ROBO1: variants seen among roughly 807,000 people sequenced by gnomAD.
ROBO1 encodes the protein roundabout guidance receptor 1, also known as roundabout homolog 1.
A neutral mutation model predicts 195.9 loss-of-function variants in ROBO1; 149 were observed. The observed-to-expected ratio is 0.76, with a 90% confidence interval of 0.67 to 0.87. ROBO1 has a LOEUF of 0.87. ROBO1 is among the 40% of genes least tolerant of loss of function. The pLI is 0.00. For synonymous variants in ROBO1, 816 were observed against 733.2 expected (o/e 1.11, Z -1.82); for missense variants, 1,933 against 2,068.3 (o/e 0.93, Z 1.27).
At chr3:78,930,605 A>G (rs1390191572) in intron 4 of ROBO1, among the ~76,000 whole-genome samples, 1 of 152,212 alleles carries the variant, frequency 6.6e-6, no homozygotes, top group African/African-American at 2.4e-5. Flanking sequence ...TTGCAGTCAT[A>G]GGCTTGACCT....
At chr3:78,889,171 G>A (rs1386234223) in intron 4 of ROBO1, among the ~76,000 whole-genome samples, 1 of 152,142 alleles carries the variant, frequency 6.6e-6, no homozygotes, top group Non-Finnish European at 1.5e-5. Context: ...ATGTGTTGAT[G>A]CTTTGGTAAA....
At chr3:79,666,630 C>T (rs1946482876) in intron 1 of ROBO1, among the ~76,000 whole-genome samples, 1 of 151,944 alleles carries the variant, frequency 6.6e-6, no homozygotes, top group East Asian at 2.0e-4. Flanking sequence ...GACTCTCATT[C>T]TTTCTTGCTT....
intron 2 of ROBO1, among the ~76,000 whole-genome samples, chr3:79,427,339 T>C (rs533114387): frequency 6.6e-6 from 1 of 152,214 alleles, no homozygotes; most frequent in African/African-American, 2.4e-5. Flanking sequence ...GCTAAAAATG[T>C]ACATTTTAGA....
intron 2 of ROBO1, among the ~76,000 whole-genome samples, chr3:79,502,563 A>G (rs1289681921): frequency 6.6e-6 from 1 of 151,764 alleles, no homozygotes; most frequent in African/African-American, 2.4e-5. Flanking sequence ...CCCCTGCTCC[A>G]CAGCTCCCAG....
At chr3:79,023,931 C>A (rs368785373) in intron 3 of ROBO1, among the ~76,000 whole-genome samples, 10 of 150,306 alleles carry the variant, frequency 6.7e-5, no homozygotes, top group African/African-American at 2.0e-4. Flanking sequence ...AGGCTGGTCT[C>A]GAACTCCTGA....
chr3:79,135,306 G>C (rs2080383389), intron 2 of ROBO1, among the ~76,000 whole-genome samples: 1 of 152,078 alleles, frequency 6.6e-6, no homozygotes, highest in Non-Finnish European at 1.5e-5. Flanking sequence ...TTTGATAATT[G>C]ATAGATCAGA....
At chr3:79,287,230 T>C (rs1335360001) in intron 2 of ROBO1, among the ~76,000 whole-genome samples, 6 of 152,196 alleles carry the variant, frequency 3.9e-5, no homozygotes, top group Non-Finnish European at 8.8e-5. Flanking sequence ...CATGTAGTTT[T>C]GCTCTTCATT....
At chr3:78,878,105 T>A (rs1348840110) in intron 4 of ROBO1, among the ~76,000 whole-genome samples, 1 of 152,054 alleles carries the variant, frequency 6.6e-6, no homozygotes, top group Non-Finnish European at 1.5e-5. Flanking sequence ...GATAGTACTT[T>A]AGGAATGCTC....
At chr3:79,472,639 A>T (rs963937987) in intron 2 of ROBO1, among the ~76,000 whole-genome samples, 3 of 152,146 alleles carry the variant, frequency 2.0e-5, no homozygotes, top group African/African-American at 7.2e-5. Context: ...TTTTAACTCT[A>T]AAACTAATTT....
At chr3:79,607,702 G>A (rs1164820919) in intron 1 of ROBO1, among the ~76,000 whole-genome samples, 2 of 151,022 alleles carry the variant, frequency 1.3e-5, no homozygotes, top group Non-Finnish European at 2.9e-5. Flanking sequence ...AGTGAATTTA[G>A]ATAAACACAG....
At chr3:79,028,597 T>G (rs916563270) in intron 3 of ROBO1, among the ~76,000 whole-genome samples, 1 of 151,948 alleles carries the variant, frequency 6.6e-6, no homozygotes, top group African/African-American at 2.4e-5. Flanking sequence ...ATTATAGATA[T>G]CCTATTAAAG....
intron 4 of ROBO1, among the ~76,000 whole-genome samples, chr3:78,932,201 G>T (rs2107652496): frequency 6.6e-6 from 1 of 152,166 alleles, no homozygotes; most frequent in East Asian, 1.9e-4. Flanking sequence ...AGGCTTCAGA[G>T]ATAACCAGAT....
In ROBO1 at chr3:79,751,043, G is replaced by A. The variant is rs374753320; in HGVS notation, c.-51+16709C>T. Among the ~76,000 whole-genome samples, 21 of 152,182 alleles carry A rather than the reference G, an allele frequency of 1.4e-4. No homozygotes were observed. The East Asian group carries it at 3.5e-3, about 25-fold the overall frequency. ...TGTAGATTTGTAGTCTAACTCTATG[G>A]CACAGTAGCTTGAAGAAATATTCTT... On this transcript the variant is annotated intron_variant, in intron 1 of 30. Coordinates refer to ENST00000464233, the MANE Select transcript of ROBO1 (RefSeq NM_002941.4).
At chr3:79,232,247 T>TAAA (rs71649197) in intron 2 of ROBO1, among the ~76,000 whole-genome samples, 3 of 133,688 alleles carry the variant, frequency 2.2e-5, no homozygotes, top group African/African-American at 8.4e-5. Context: ...CTCCTTGATT[T>TAAA]AAAAAAAAAA....
intron 4 of ROBO1, among the ~76,000 whole-genome samples, chr3:78,783,055 T>A (rs1689451783): frequency 6.6e-6 from 1 of 152,158 alleles, no homozygotes; most frequent in African/African-American, 2.4e-5. Flanking sequence ...GATTTTTGTT[T>A]ATTTATTTAT....
intron 2 of ROBO1, among the ~76,000 whole-genome samples, chr3:79,164,779 C>T (rs1209852299): frequency 1.3e-5 from 2 of 152,270 alleles, no homozygotes; most frequent in South Asian, 2.1e-4. Context: ...CTCCTCTCCC[C>T]TTGCTCTATC....
intron 23 of ROBO1, chr3:78,634,595 C>T (rs762047813): frequency 1.2e-5 from 3 of 249,622 alleles, no homozygotes; most frequent in South Asian, 1.1e-4. Flanking sequence ...TGCGGAGGCT[C>T]TCAGGGCTTT....
At chr3:79,309,728 A>T (rs889912642) in intron 2 of ROBO1, among the ~76,000 whole-genome samples, 1 of 152,174 alleles carries the variant, frequency 6.6e-6, no homozygotes, top group East Asian at 1.9e-4. Context: ...TGAGGTTGAG[A>T]AACATGTCTC....
intron 4 of ROBO1, among the ~76,000 whole-genome samples, chr3:78,780,836 G>A (rs528784250): frequency 3.3e-5 from 5 of 151,912 alleles, no homozygotes; most frequent in South Asian, 2.1e-4. Flanking sequence ...ATTTTTCTCC[G>A]TGTTTTCTTT....
Sources: gnomAD v4.1 joint callset for allele counts (sites outside exome capture counted in the v4.1 genomes callset) on GRCh38, gnomAD v4.1.1 for gene constraint, MANE v1.5 for transcripts, NCBI Gene and HGNC (gene_info 2026-07-23, HGNC 2026-07-21) for gene names.